Variants in INPP5A observed in about 807,000 individuals in gnomAD.
INPP5A encodes the protein 43 kDa inositol polyphosphate 5-phophatase.
Under a neutral mutation model 65.2 loss-of-function variants are expected in INPP5A, and 14 were observed. The ratio of observed to expected loss-of-function variants is 0.21; its 90% CI spans 0.14 to 0.34. The LOEUF (loss-of-function observed/expected upper bound fraction) is 0.34. INPP5A is among the 10% of genes least tolerant of loss of function. INPP5A has a pLI of 1.00. For synonymous variants in INPP5A, 207 were observed against 208.3 expected, an observed-to-expected ratio of 0.99 and a Z score of 0.05; for missense variants, 431 against 545.6, an observed-to-expected ratio of 0.79 and a Z score of 2.09.
chr10:132,595,624 T>C (rs888657680), intron 1 of INPP5A, among the ~76,000 whole-genome samples: 8 of 152,204 alleles, frequency 5.3e-5, no homozygotes, highest in Non-Finnish European at 2.9e-5. Flanking sequence ...ATTGGGGTGT[T>C]TGTCACTGGC....
At chr10:132,780,579 G>C (rs1017266899) in intron 13 of INPP5A, among the ~76,000 whole-genome samples, 2 of 152,206 alleles carry the variant, frequency 1.3e-5, no homozygotes, top group Non-Finnish European at 2.9e-5. Context: ...CTCCCCACGC[G>C]ACCCCTCCTA....
At chr10:132,746,857 G>A (rs961611414) in intron 9 of INPP5A, among the ~76,000 whole-genome samples, 6 of 152,240 alleles carry the variant, frequency 3.9e-5, no homozygotes, top group South Asian at 2.1e-4. Context: ...GAGTGGCCAC[G>A]ACTTTGCTGG....
At chr10:132,766,164 G>C (rs982983708) in intron 12 of INPP5A, among the ~76,000 whole-genome samples, 6 of 152,306 alleles carry the variant, frequency 3.9e-5, no homozygotes, top group Admixed American at 2.6e-4. Context: ...GTGCACGTGT[G>C]TGTTCTTGTG....
In INPP5A at chr10:132,678,400, A is replaced by G. The variant is rs2786891; in HGVS notation, c.307-11992A>G. ...TAACTTTGCTTTGATTTATTACTCA[A>G]TCTGTTAAATTGTTTCAAAACAAGG... is the stretch of plus-strand genomic sequence containing the variant. On this transcript the variant is annotated intron_variant, in intron 4 of 15. Transcript: ENST00000368594. The surrounding 1 kb of genome is among the most constrained non-coding windows in gnomAD (Gnocchi z 4.1). Among the ~76,000 whole-genome samples, 4,142 of 152,198 alleles carry G rather than the reference A, an allele frequency of 0.027. 183 individuals carry two copies. Among genetic ancestry groups the G allele is most frequent in the African/African-American group, 0.094 (3,903 of 41,490 alleles).
At chr10:132,731,232 G>A (rs907920854) in intron 9 of INPP5A, among the ~76,000 whole-genome samples, 12 of 152,270 alleles carry the variant, frequency 7.9e-5, no homozygotes, top group East Asian at 3.9e-4. Flanking sequence ...GGAGGTGACC[G>A]CACCCCTCCC....
At chr10:132,679,046 G>A (rs2073007819) in intron 4 of INPP5A, among the ~76,000 whole-genome samples, 1 of 152,332 alleles carries the variant, frequency 6.6e-6, no homozygotes, top group East Asian at 1.9e-4. Context: ...AGGAAGTGCA[G>A]TGGCAGGCCC....
chr10:132,612,754 G>T (rs761162154), intron 2 of INPP5A, among the ~76,000 whole-genome samples: 1 of 152,218 alleles, frequency 6.6e-6, no homozygotes, highest in Non-Finnish European at 1.5e-5. Context: ...TTCCTGGTTT[G>T]TGTTACATTT....
chr10:132,691,830 T>TGGTCGCGGGAGACGTGC (rs1564967258), intron 5 of INPP5A, among the ~76,000 whole-genome samples: 47 of 145,152 alleles, frequency 3.2e-4, no homozygotes, highest in South Asian at 4.3e-4. Flanking sequence ...GGGAGACGTG[T>TGGTCGCGGGAGACGTGC]GGTCGCGGGA....
chr10:132,743,439 C>T (rs1329369401), intron 9 of INPP5A, among the ~76,000 whole-genome samples: 8 of 150,436 alleles, frequency 5.3e-5, no homozygotes, highest in Non-Finnish European at 7.5e-5. Flanking sequence ...CAGCGCTGCA[C>T]TCAGCCCCAG....
chr10:132,572,093 G>T (rs1335127072), intron 1 of INPP5A, among the ~76,000 whole-genome samples: 6 of 152,224 alleles, frequency 3.9e-5, no homozygotes, highest in Non-Finnish European at 8.8e-5. Flanking sequence ...GGATTTGACA[G>T]CTCATGTCTG....
chr10:132,712,846 G>C (rs1332244932), intron 8 of INPP5A, among the ~76,000 whole-genome samples: 1 of 149,872 alleles, frequency 6.7e-6, no homozygotes, highest in African/African-American at 2.5e-5. Context: ...ATATGTGTAG[G>C]CTTGTGTGGG....
At chr10:132,752,569 G>A (rs1470414543) in intron 11 of INPP5A, among the ~76,000 whole-genome samples, 3 of 142,898 alleles carry the variant, frequency 2.1e-5, no homozygotes, top group Non-Finnish European at 3.1e-5. Context: ...TGGCGTGGAG[G>A]GGAGTGGTGA....
chr10:132,607,215 G>T (rs1279892676), intron 1 of INPP5A, among the ~76,000 whole-genome samples: 1 of 152,240 alleles, frequency 6.6e-6, no homozygotes, highest in Admixed American at 6.5e-5. Flanking sequence ...TCCTGAAGCA[G>T]TGGCATTTTC....
rs73385195 is a variant in INPP5A, at chr10:132,711,717, T to C, written c.647+1261T>C. On this transcript the variant is annotated intron_variant, in intron 8 of 15. Coordinates refer to ENST00000368594, the MANE Select transcript of INPP5A (RefSeq NM_005539.5). ...CCTTCTGTTCCCGGGGCCGGTTCTC[T>C]CCCACCCACACCTGTCTTAGCCTGG... Among the ~76,000 whole-genome samples the C allele has an allele frequency of 6.7e-3, 1,016 of 152,314 alleles. 6 individuals are homozygous for C. The highest frequency in any genetic ancestry group is 0.023 in the African/African-American group (962 of 41,562).
intron 2 of INPP5A, among the ~76,000 whole-genome samples, chr10:132,628,495 C>T (rs528010123): frequency 1.8e-4 from 24 of 132,250 alleles, no homozygotes; most frequent in African/African-American, 3.6e-4. Context: ...GTGGGGGACA[C>T]GTAGAAGGAA....
intron 1 of INPP5A, among the ~76,000 whole-genome samples, chr10:132,571,358 C>T (rs1000271837): frequency 6.6e-6 from 1 of 152,244 alleles, no homozygotes; most frequent in South Asian, 2.1e-4. Context: ...TCTGCTGGCA[C>T]GCCGGGCTCT....
intron 4 of INPP5A, among the ~76,000 whole-genome samples, chr10:132,655,445 T>G (rs912933554): frequency 6.6e-6 from 1 of 152,126 alleles, no homozygotes; most frequent in Non-Finnish European, 1.5e-5. Flanking sequence ...TGCCTATTGA[T>G]CCACAGCTCC....
intron 4 of INPP5A, among the ~76,000 whole-genome samples, chr10:132,671,833 G>A (rs543536292): frequency 6.6e-6 from 1 of 152,200 alleles, no homozygotes; most frequent in Non-Finnish European, 1.5e-5. Context: ...AACCAGAAGA[G>A]GCCAATGTGG....
rs1242362680 is a variant in INPP5A at position 132,549,653 on chromosome 10, C to T, written c.75+11482C>T. Among the ~76,000 whole-genome samples, 1 of 152,188 alleles carries T rather than the reference C, an allele frequency of 6.6e-6. No homozygotes were observed. Among genetic ancestry groups the T allele is most frequent in the Non-Finnish European group, 1.5e-5 (1 of 68,036 alleles). Reference sequence around the variant, plus strand: ...ATGGGGAGTGCAGGTGAAGCAGGAGCAGACAGGTGCGTGTCCTGGAGCTCT... The same window carrying T: ...ATGGGGAGTGCAGGTGAAGCAGGAGTAGACAGGTGCGTGTCCTGGAGCTCT... On this transcript the variant is annotated intron_variant, in intron 1 of 15. Transcript: ENST00000368594. This position sits in a 1 kb window ranked among gnomAD's most constrained non-coding sequence, Gnocchi z 4.9.
Sources: allele counts gnomAD v4.1 joint callset (sites outside exome capture counted in the v4.1 genomes callset), GRCh38; gene constraint gnomAD v4.1.1; non-coding constraint Gnocchi (gnomAD v3.1); transcripts MANE v1.5; gene names NCBI Gene and HGNC (gene_info 2026-07-23, HGNC 2026-07-21).